The following SMOC2 variants were observed in gnomAD, a reference collection of about 807,000 sequenced individuals.
SMOC2 encodes the protein SPARC related modular calcium binding 2.
A neutral mutation model predicts 61.4 loss-of-function variants in SMOC2; 39 were observed. The observed-to-expected ratio is 0.64, with a 90% CI of 0.49 to 0.83. SMOC2 has a LOEUF of 0.83. Ranked by LOEUF, SMOC2 falls within the 40% of genes least tolerant of loss-of-function variation. The pLI, the probability that SMOC2 is intolerant of heterozygous loss-of-function variation, is 0.00. For synonymous variants in SMOC2, 247 were observed against 239.9 expected (o/e 1.03, Z -0.27); for missense variants, 556 against 592.9 (o/e 0.94, Z 0.65).
chr6:168,444,432 C>T (rs1008929590), intron 1 of SMOC2, among the ~76,000 whole-genome samples: 11 of 152,178 alleles, frequency 7.2e-5, no homozygotes, highest in African/African-American at 2.7e-4. Flanking sequence ...AGAGAATCCA[C>T]TTTGTCTGGT....
At chr6:168,459,205 C>T (rs921404104) in intron 1 of SMOC2, among the ~76,000 whole-genome samples, 9 of 152,140 alleles carry the variant, frequency 5.9e-5, no homozygotes, top group Non-Finnish European at 1.3e-4. Flanking sequence ...TTGACAGGAG[C>T]GATGTCATCA....
rs182363136 is a variant in SMOC2, at chr6:168,471,229, C to G, written c.84+29775C>G. Among the ~76,000 whole-genome samples the G allele has an allele frequency of 3.0e-4, 45 of 152,308 alleles. No homozygotes were observed. In the East Asian group the frequency reaches 8.1e-3, roughly 27 times the overall value. ...TTGACCCGTTTATCTCAGCCCAGCC[C>G]TAGTAGCCACCATTCTACTTTCTGT... is the stretch of plus-strand genomic sequence containing the variant. On this transcript the variant is annotated intron_variant, in intron 1 of 12. Transcript: ENST00000356284.
At chr6:168,572,549 C>G (rs370136665) in intron 7 of SMOC2, among the ~76,000 whole-genome samples, 11 of 4,384 alleles carry the variant, frequency 2.5e-3, no homozygotes, top group African/African-American at 3.4e-3. Flanking sequence ...TTCATTTCCT[C>G]CCCGCATCCC....
At position 168,589,000 on chromosome 6, in the gene SMOC2, C is replaced by T. The variant is rs565586078; in HGVS notation, c.638-9818C>T. Reference sequence around the variant, plus strand: ...GCTGAAGCAAGAGAATCACTTGAACCGGGGAGGTGGAGGTTGCAGTGAGTT... The same window carrying T: ...GCTGAAGCAAGAGAATCACTTGAACTGGGGAGGTGGAGGTTGCAGTGAGTT... On this transcript the variant is annotated intron_variant, in intron 7 of 12. Coordinates refer to ENST00000356284, the MANE Select transcript of SMOC2 (RefSeq NM_001166412.2). 3.2e-3 allele frequency among the ~76,000 whole-genome samples: 467 copies of T among 145,004 alleles called. 2 individuals carry two copies. The highest frequency in any genetic ancestry group is 5.6e-3 in the South Asian group (25 of 4,476).
intron 11 of SMOC2, among the ~76,000 whole-genome samples, chr6:168,656,507 TAAA>T (rs5881805): frequency 2.5e-4 from 22 of 86,814 alleles, no homozygotes; most frequent in African/African-American, 7.1e-4. Flanking sequence ...GACTTTGTGT[TAAA>T]AAAAAAAAAA....
At chr6:168,547,295 C>A in intron 6 of SMOC2, 126 bp downstream of exon 6, 1 of 766,472 alleles carries the variant, frequency 1.3e-6, no homozygotes, top group Non-Finnish European at 2.2e-6. Context: ...ATGCCAGACA[C>A]AGACAGAAAA....
At chr6:168,505,181 GTC>G (rs1782840247) in intron 1 of SMOC2, among the ~76,000 whole-genome samples, 1 of 146,598 alleles carries the variant, frequency 6.8e-6, no homozygotes. Context: ...TGAATGAAAT[GTC>G]TGTCTCTCAG....
rs1782054872 is a variant in SMOC2, at chr6:168,475,374, G to T, written c.84+33920G>T. ...TATTCCTGAAGCATTTGGAGAGCAG[G>T]TGCCAATGTCCCAGGCACAGGTGGA... is the stretch of plus-strand genomic sequence containing the variant. On this transcript the variant is annotated intron_variant, in intron 1 of 12. Transcript: ENST00000356284. The surrounding 1 kb of genome is among the most constrained non-coding windows in gnomAD (Gnocchi z 4.6). Among the ~76,000 whole-genome samples the T allele has an allele frequency of 6.6e-6, 1 of 152,132 alleles. No homozygotes were observed. The highest frequency in any genetic ancestry group is 1.9e-4 in the East Asian group (1 of 5,202).
intron 1 of SMOC2, among the ~76,000 whole-genome samples, chr6:168,489,180 C>T (rs1782410571): frequency 6.6e-6 from 1 of 150,776 alleles, no homozygotes; most frequent in African/African-American, 2.4e-5. Flanking sequence ...TCTGGGTCCC[C>T]TTGCATCACA....
intron 7 of SMOC2, among the ~76,000 whole-genome samples, chr6:168,569,811 C>T (rs780030469): frequency 1.3e-5 from 2 of 152,226 alleles, no homozygotes; most frequent in African/African-American, 2.4e-5. Flanking sequence ...CTTGTCTTCT[C>T]ATTCTCCTAA....
At chr6:168,643,618 G>A (rs1786947662) in intron 9 of SMOC2, among the ~76,000 whole-genome samples, 1 of 152,212 alleles carries the variant, frequency 6.6e-6, no homozygotes, top group Admixed American at 6.5e-5. Context: ...CAGGGGCCTT[G>A]TCTGCTGTTC....
At chr6:168,634,671 C>T (rs983779862) in intron 9 of SMOC2, among the ~76,000 whole-genome samples, 1 of 152,220 alleles carries the variant, frequency 6.6e-6, no homozygotes, top group African/African-American at 2.4e-5. Flanking sequence ...ACTTGGCAGA[C>T]ATCTGAGCAA....
chr6:168,575,664 A>G (rs1784785266), intron 7 of SMOC2, among the ~76,000 whole-genome samples: 1 of 152,332 alleles, frequency 6.6e-6, no homozygotes, highest in Non-Finnish European at 1.5e-5. Context: ...AAAACATCCA[A>G]AAAATAAATC....
Position 168,599,022 on chromosome 6 carries a change from AC to A in SMOC2, c.824+26del, listed in dbSNP as rs558894070. 2.0e-4 allele frequency: 301 copies of A among 1,532,990 alleles called. No homozygotes were observed. The highest frequency in any genetic ancestry group is 3.9e-4 in the Middle Eastern group (2 of 5,112). 95.0% of individuals were successfully genotyped at this position (1,532,990 alleles called of 1,614,324 possible). A position where few individuals can be genotyped will look rare whatever the true frequency, so the allele number is the denominator to read the frequency against. ...TCCACAAGGTAAATAGGGTGCACCC[AC>A]CCCCCCCGGGACCATGGGAGGCTTT... is the stretch of plus-strand genomic sequence containing the variant. On this transcript the variant is annotated intron_variant, in intron 8 of 12. Transcript: ENST00000356284.
At chr6:168,478,186 A>C (rs1273727247) in intron 1 of SMOC2, among the ~76,000 whole-genome samples, 6 of 152,188 alleles carry the variant, frequency 3.9e-5, no homozygotes, top group African/African-American at 1.4e-4. Flanking sequence ...CCTGGGCCGT[A>C]GTTCCTGGCC....
At chr6:168,447,865 T>C (rs538831163) in intron 1 of SMOC2, among the ~76,000 whole-genome samples, 1 of 151,930 alleles carries the variant, frequency 6.6e-6, no homozygotes, top group South Asian at 2.1e-4. Flanking sequence ...GTATGTAAGT[T>C]GACCTTGCCT....
At chr6:168,464,186 CAAA>C (rs61434310) in intron 1 of SMOC2, among the ~76,000 whole-genome samples, 32 of 112,392 alleles carry the variant, frequency 2.8e-4, no homozygotes, top group Non-Finnish European at 4.7e-4. Flanking sequence ...GCAAGACTGT[CAAA>C]AAAAAAAAAA....
At chr6:168,659,196 T>C (rs1233067694) in intron 11 of SMOC2, among the ~76,000 whole-genome samples, 1 of 152,024 alleles carries the variant, frequency 6.6e-6, no homozygotes, top group East Asian at 1.9e-4. Context: ...TAAAACATAA[T>C]GTATTGATAA....
chr6:168,459,814 T>A (rs1781680903), intron 1 of SMOC2, among the ~76,000 whole-genome samples: 2 of 129,888 alleles, frequency 1.5e-5, no homozygotes, highest in African/African-American at 3.0e-5. Context: ...CCGGGCTGGG[T>A]GAGCCCTGGG....
Sources: gnomAD v4.1 joint callset for allele counts (sites outside exome capture counted in the v4.1 genomes callset) on GRCh38, gnomAD v4.1.1 for gene constraint, Gnocchi (gnomAD v3.1) non-coding constraint, MANE v1.5 for transcripts, NCBI Gene and HGNC (gene_info 2026-07-23, HGNC 2026-07-21) for gene names.